The following TAFA1 variants were observed in gnomAD, a reference collection of about 807,000 sequenced individuals.
The protein encoded by TAFA1 is chemokine-like protein TAFA-1.
TAFA1 carries 4 observed loss-of-function variants against 18.5 expected under a neutral mutation model. The ratio of observed to expected loss-of-function variants is 0.22; its 90% CI spans 0.11 to 0.49. The LOEUF is 0.49. TAFA1 is among the 20% of genes least tolerant of loss of function. The pLI, the probability that TAFA1 is intolerant of heterozygous loss-of-function variation, is 0.98. For synonymous variants in TAFA1, 56 were observed against 55.2 expected (o/e 1.01, Z -0.06); for missense variants, 147 against 169.0 (o/e 0.87, Z 0.72).
At chr3:67,999,970 G>A (rs1704267135), upstream of TAFA1, among the ~76,000 whole-genome samples, 1 of 151,992 alleles carries the variant, frequency 6.6e-6, no homozygotes, top group Non-Finnish European at 1.5e-5. Context: ...CATATTTTTA[G>A]TAGAGACAGG....
chr3:68,364,871 A>T (rs1413320689), intron 2 of TAFA1, among the ~76,000 whole-genome samples: 1 of 152,200 alleles, frequency 6.6e-6, no homozygotes, highest in Non-Finnish European at 1.5e-5. Context: ...GAAGAAACTG[A>T]GGCACAGAGA....
chr3:68,204,315 G>C (rs970731144), intron 2 of TAFA1, among the ~76,000 whole-genome samples: 1 of 151,792 alleles, frequency 6.6e-6, no homozygotes, highest in African/African-American at 2.4e-5. Flanking sequence ...CTTTGGGCTG[G>C]CTTAATTCTT....
At chr3:68,507,976 A>G (rs1464245303) in intron 3 of TAFA1, among the ~76,000 whole-genome samples, 1 of 152,180 alleles carries the variant, frequency 6.6e-6, no homozygotes, top group Non-Finnish European at 1.5e-5. Context: ...CCATGCTGCC[A>G]TAACAAAATA....
chr3:68,106,911 G>C (rs1297788597), intron 2 of TAFA1, among the ~76,000 whole-genome samples: 1 of 152,110 alleles, frequency 6.6e-6, no homozygotes, highest in Non-Finnish European at 1.5e-5. Flanking sequence ...CTAAAATAAA[G>C]GGGAAAACCC....
chr3:68,305,214 G>A (rs912007534), intron 2 of TAFA1, among the ~76,000 whole-genome samples: 1 of 147,216 alleles, frequency 6.8e-6, no homozygotes, highest in Non-Finnish European at 1.5e-5. Context: ...GTCACATGGT[G>A]TTTTTCCCAT....
intron 2 of TAFA1, among the ~76,000 whole-genome samples, chr3:68,285,751 T>A (rs1401178524): frequency 6.6e-6 from 1 of 152,172 alleles, no homozygotes; most frequent in Non-Finnish European, 1.5e-5. Flanking sequence ...AAAAGATTTT[T>A]GAGTGTGATC....
At chr3:68,170,587 C>G (rs1161669421) in intron 2 of TAFA1, among the ~76,000 whole-genome samples, 1 of 152,158 alleles carries the variant, frequency 6.6e-6, no homozygotes, top group Non-Finnish European at 1.5e-5. Flanking sequence ...ATGTTCAGAG[C>G]TGTGCTTATC....
intron 2 of TAFA1, chr3:68,192,422 G>C (rs1229479151): frequency 5.2e-6 from 1 of 191,282 alleles, no homozygotes; most frequent in East Asian, 1.4e-4. Flanking sequence ...AATGAAAACA[G>C]ATGAGAAACT....
intron 2 of TAFA1, among the ~76,000 whole-genome samples, chr3:68,146,000 C>A (rs1050820266): frequency 7.9e-5 from 12 of 152,146 alleles, no homozygotes; most frequent in Non-Finnish European, 1.6e-4. Context: ...GCTTGTGCAA[C>A]CACAACCCTG....
chr3:68,450,379 G>C (rs909568843), intron 3 of TAFA1, among the ~76,000 whole-genome samples: 5 of 152,152 alleles, frequency 3.3e-5, no homozygotes, highest in Non-Finnish European at 7.4e-5. Flanking sequence ...ACAGAAAATT[G>C]GATTTATGAG....
intron 2 of TAFA1, among the ~76,000 whole-genome samples, chr3:68,318,414 C>T (rs1478659065): frequency 2.0e-5 from 3 of 152,114 alleles, no homozygotes; most frequent in Non-Finnish European, 2.9e-5. Flanking sequence ...GTTAGACAGA[C>T]ATTTATTAAT....
intron 3 of TAFA1, among the ~76,000 whole-genome samples, chr3:68,511,791 A>G (rs1036935796): frequency 4.6e-5 from 7 of 152,058 alleles, no homozygotes; most frequent in Non-Finnish European, 1.0e-4. Flanking sequence ...ACTAAAATCA[A>G]ATATGTTATT....
chr3:68,431,058 A>G (rs1009946813), intron 3 of TAFA1, among the ~76,000 whole-genome samples: 1 of 151,878 alleles, frequency 6.6e-6, no homozygotes, highest in African/African-American at 2.4e-5. Flanking sequence ...TTATGGATTG[A>G]CAACACCATG....
chr3:68,390,872 C>T (rs2070225050), intron 2 of TAFA1, among the ~76,000 whole-genome samples: 1 of 152,082 alleles, frequency 6.6e-6, no homozygotes, highest in Non-Finnish European at 1.5e-5. Flanking sequence ...AATCAAAGAC[C>T]AAATGTCAGT....
chr3:68,535,595 A>T (rs1283131369), intron 3 of TAFA1, among the ~76,000 whole-genome samples: 1 of 152,184 alleles, frequency 6.6e-6, no homozygotes, highest in Non-Finnish European at 1.5e-5. Flanking sequence ...GGCAAAAATT[A>T]AATATGGCAA....
At chr3:68,286,143 G>T (rs368012296) in intron 2 of TAFA1, among the ~76,000 whole-genome samples, 2 of 151,950 alleles carry the variant, frequency 1.3e-5, no homozygotes, top group Admixed American at 1.3e-4. Flanking sequence ...CCTGGGAGGC[G>T]GATGCTGCAG....
chr3:68,335,785 A>G (rs888010398), intron 2 of TAFA1, among the ~76,000 whole-genome samples: 3 of 152,234 alleles, frequency 2.0e-5, no homozygotes, highest in Admixed American at 2.0e-4. Flanking sequence ...TTGCCGCTGA[A>G]TTATGTGCTC....
intron 3 of TAFA1, among the ~76,000 whole-genome samples, chr3:68,475,118 A>T (rs1282035306): frequency 6.6e-6 from 1 of 150,802 alleles, no homozygotes; most frequent in Non-Finnish European, 1.5e-5. Flanking sequence ...CTCCAGAGTC[A>T]CTCTTTAAAT....
At chr3:68,062,187 G>T (rs1303167816) in intron 2 of TAFA1, among the ~76,000 whole-genome samples, 1 of 152,078 alleles carries the variant, frequency 6.6e-6, no homozygotes, top group African/African-American at 2.4e-5. Flanking sequence ...TTCTGGGGTT[G>T]GGAGGAGGTA....
Sources: allele counts gnomAD v4.1 joint callset (sites outside exome capture counted in the v4.1 genomes callset), GRCh38; gene constraint gnomAD v4.1.1; transcripts MANE v1.5; gene names NCBI Gene and HGNC (gene_info 2026-07-23, HGNC 2026-07-21).